ADAMTS2: variants seen among roughly 807,000 people sequenced by gnomAD.
ADAMTS2 encodes A disintegrin and metalloproteinase with thrombospondin motifs 2.
A neutral mutation model predicts 123.0 loss-of-function variants in ADAMTS2; 50 were observed. That is an observed-to-expected ratio of 0.41 (90% confidence interval 0.32 to 0.51). ADAMTS2 has a LOEUF of 0.51. Among genes scored for constraint, ADAMTS2 ranks in the 20% least tolerant of loss-of-function variants. The probability of loss-of-function intolerance (pLI) is 0.35; values close to 1 mark genes in which losing one functional copy is unlikely to be tolerated. For synonymous variants in ADAMTS2, 678 were observed against 695.4 expected (o/e 0.98, Z 0.39); for missense variants, 1,494 against 1,705.2 (o/e 0.88, Z 2.18).
At chr5:179,313,685 C>T (rs1417389866) in intron 2 of ADAMTS2, among the ~76,000 whole-genome samples, 3 of 20,086 alleles carry the variant, frequency 1.5e-4, no homozygotes, top group African/African-American at 3.5e-4. Flanking sequence ...GCAGAGAGGA[C>T]GCACACGCAT....
At chr5:179,116,536 G>A (rs541809738) in intron 21 of ADAMTS2, among the ~76,000 whole-genome samples, 10 of 152,266 alleles carry the variant, frequency 6.6e-5, no homozygotes, top group African/African-American at 2.2e-4. Context: ...AGCCAAGCTC[G>A]CATCTAATTG....
intron 8 of ADAMTS2, 29 bp downstream of exon 8, chr5:179,154,020 C>A: frequency 6.3e-7 from 1 of 1,583,428 alleles, no homozygotes; most frequent in East Asian, 2.3e-5. Flanking sequence ...ACTGAGGGGT[C>A]GCCCACGGGG....
At chr5:179,309,514 T>C (rs1756765321) in intron 2 of ADAMTS2, among the ~76,000 whole-genome samples, 1 of 152,140 alleles carries the variant, frequency 6.6e-6, no homozygotes, top group African/African-American at 2.4e-5. Context: ...CCCAGCACTT[T>C]GGGAGGCCAA....
intron 2 of ADAMTS2, among the ~76,000 whole-genome samples, chr5:179,280,703 C>G (rs1766873726): frequency 6.6e-6 from 1 of 152,170 alleles, no homozygotes; most frequent in South Asian, 2.1e-4. Context: ...ACCTCAAAGC[C>G]TACACCGCTG....
At chr5:179,244,683 T>C (rs1406738640) in intron 3 of ADAMTS2, among the ~76,000 whole-genome samples, 4 of 152,188 alleles carry the variant, frequency 2.6e-5, no homozygotes, top group African/African-American at 4.8e-5. Flanking sequence ...ATGTATATAA[T>C]TGTATTATTG....
At chr5:179,199,348 C>A (rs576118411) in intron 4 of ADAMTS2, among the ~76,000 whole-genome samples, 1 of 152,140 alleles carries the variant, frequency 6.6e-6, no homozygotes, top group Non-Finnish European at 1.5e-5. Context: ...TCAGGGCAGG[C>A]GTGGTGGTGG....
chr5:179,114,528 G>T (rs1459621701), intron 21 of ADAMTS2, among the ~76,000 whole-genome samples: 2 of 152,182 alleles, frequency 1.3e-5, no homozygotes, highest in African/African-American at 4.8e-5. Context: ...GCCTGGAAGT[G>T]CTGACACACA....
chr5:179,223,608 G>A lies in ADAMTS2; in HGVS notation c.689-15893C>T, dbSNP rs554908320. 6.4e-5 allele frequency among the ~76,000 whole-genome samples: 9 copies of A among 140,734 alleles called. No homozygotes were observed. In the East Asian group the frequency reaches 7.1e-4, roughly 11 times the overall value. 92.3% of individuals were successfully genotyped at this position (140,734 alleles called of 152,430 possible). ...CATGCACTCACGCGTGAATGCACTC[G>A]CATACTCACATGCACACTCACATGA... On this transcript the variant is annotated intron_variant, in intron 3 of 21. Coordinates refer to ENST00000251582, the MANE Select transcript of ADAMTS2 (RefSeq NM_014244.5).
chr5:179,115,693 G>GGAAAGGGAGGGA lies in ADAMTS2; in HGVS notation c.3179-1381_3179-1370dup, dbSNP rs60605601. On this transcript the variant is annotated intron_variant, in intron 21 of 21. Coordinates refer to ENST00000251582, the MANE Select transcript of ADAMTS2 (RefSeq NM_014244.5). This position sits in a 1 kb window ranked among gnomAD's most constrained non-coding sequence, Gnocchi z 4.4. Reference sequence around the variant, plus strand: ...AGGGACAAAAGGAAGAAAGGGAGGAGGAAAGGGAGGGAGAAAGGGAGGGAG... The same window carrying GGAAAGGGAGGGA: ...AGGGACAAAAGGAAGAAAGGGAGGAGGAAAGGGAGGGAGAAAGGGAGGGAGAAAGGGAGGGAG... Among the ~76,000 whole-genome samples the GGAAAGGGAGGGA allele has an allele frequency of 7.5e-3, 1,146 of 152,148 alleles. 8 individuals carry two copies. The highest frequency in any genetic ancestry group is 0.027 in the African/African-American group (1,103 of 41,440).
intron 10 of ADAMTS2, among the ~76,000 whole-genome samples, chr5:179,150,602 GA>G (rs1330366011): frequency 3.3e-5 from 5 of 152,228 alleles, no homozygotes; most frequent in Non-Finnish European, 5.9e-5. Flanking sequence ...GAGAGAAATG[GA>G]ATGTGGATAG....
intron 4 of ADAMTS2, among the ~76,000 whole-genome samples, chr5:179,186,050 C>A (rs971219240): frequency 6.6e-6 from 1 of 152,112 alleles, no homozygotes; most frequent in Admixed American, 6.5e-5. Flanking sequence ...ACCAGCACAG[C>A]ACATAGTTCC....
Position 179,148,486 on chromosome 5 carries a change from C to T in ADAMTS2, c.1629+3656G>A, listed in dbSNP as rs561098546. ...TGAAAGGCTCCAGAGCTGCACGTGG[C>T]GCTGGCCGAGCCCTCTGCTGAGGTC... On this transcript the variant is annotated intron_variant, in intron 10 of 21. Transcript: ENST00000251582. Among the ~76,000 whole-genome samples, 37 of 152,288 alleles carry T rather than the reference C, an allele frequency of 2.4e-4. 1 individual carries two copies. Among genetic ancestry groups the T allele is most frequent in the African/African-American group, 7.9e-4 (33 of 41,560 alleles).
intron 11 of ADAMTS2, among the ~76,000 whole-genome samples, chr5:179,138,588 C>T (rs533166702): frequency 6.6e-6 from 1 of 152,242 alleles, no homozygotes; most frequent in Admixed American, 6.5e-5. Context: ...AATCTCTTTC[C>T]GAGTCTGGCG....
intron 2 of ADAMTS2, among the ~76,000 whole-genome samples, chr5:179,325,424 A>T (rs1161686180): frequency 1.3e-5 from 2 of 152,014 alleles, no homozygotes; most frequent in African/African-American, 4.8e-5. Flanking sequence ...GGCAATGGGG[A>T]CCCATAGCTC....
intron 13 of ADAMTS2, among the ~76,000 whole-genome samples, chr5:179,135,313 C>T (rs886865918): frequency 6.6e-6 from 1 of 152,204 alleles, no homozygotes; most frequent in Non-Finnish European, 1.5e-5. Flanking sequence ...CTACACAAGC[C>T]CTAAGCAGAG....
At chr5:179,318,110 C>T (rs1014175813) in intron 2 of ADAMTS2, among the ~76,000 whole-genome samples, 1 of 152,212 alleles carries the variant, frequency 6.6e-6, no homozygotes, top group East Asian at 1.9e-4. Flanking sequence ...CCAGGAGGAA[C>T]ACAGCAGGCC....
chr5:179,181,112 T>G lies in ADAMTS2; in HGVS notation c.935A>C (p.Asn312Thr), dbSNP rs528367185. 1.2e-5 allele frequency: 19 copies of G among 1,613,900 alleles called. No individual in the cohort carries two copies. The African/African-American group carries it at 2.1e-4, about 18-fold the overall frequency. ...GAGGATGATCCGCACCAGGACCACG[T>G]TGATGTGGGCACCCAAGGACTCGTC... Reference protein sequence around the residue: ...YHDESLGAHINVVLVRIILLS... With the variant: ...YHDESLGAHITVVLVRIILLS... Residue 312 changes from asparagine (N) to threonine (T), a missense_variant, in exon 5 of 22, where the codon AAC becomes ACC. This residue lies in a region of ADAMTS2 where 70 missense variants were observed against 85.3 expected (regional missense o/e 0.82). Transcript: ENST00000251582. The surrounding 1 kb of genome is among the most constrained non-coding windows in gnomAD (Gnocchi z 4.1).
intron 3 of ADAMTS2, among the ~76,000 whole-genome samples, chr5:179,213,891 G>C (rs1764916694): frequency 6.6e-6 from 1 of 152,362 alleles, no homozygotes. Flanking sequence ...AGGCCACAGT[G>C]ATAGGAGCAC....
intron 2 of ADAMTS2, among the ~76,000 whole-genome samples, chr5:179,311,808 G>T (rs958154398): frequency 3.3e-5 from 5 of 152,188 alleles, no homozygotes; most frequent in African/African-American, 9.7e-5. Flanking sequence ...TGTATTCGGA[G>T]TTGAGCCCAG....
Sources: gnomAD v4.1 joint callset for allele counts (sites outside exome capture counted in the v4.1 genomes callset) on GRCh38, gnomAD v4.1.1 for gene constraint, gnomAD v4.1.1 regional missense constraint, Gnocchi (gnomAD v3.1) non-coding constraint, MANE v1.5 for transcripts, NCBI Gene and HGNC (gene_info 2026-07-23, HGNC 2026-07-21) for gene names.